Variants in CSMD2 observed in about 807,000 individuals in gnomAD.
CSMD2 encodes the protein CUB and sushi domain-containing protein 2.
Under a neutral mutation model 398.5 loss-of-function variants are expected in CSMD2, and 130 were observed. The observed-to-expected ratio is 0.33, with a 90% CI of 0.28 to 0.38. The LOEUF (loss-of-function observed/expected upper bound fraction) is 0.38, where lower values mean the gene tolerates loss of function less well. CSMD2 is among the 10% of genes least tolerant of loss of function. The pLI, the probability that CSMD2 is intolerant of heterozygous loss-of-function variation, is 1.00. For missense variants in CSMD2, 3,829 were observed against 4,764.9 expected (o/e 0.80, Z 5.78); for synonymous variants, 1,828 against 1,908.5 (o/e 0.96, Z 1.10).
intron 1 of CSMD2, among the ~76,000 whole-genome samples, chr1:34,152,412 T>A (rs1401878137): frequency 6.6e-6 from 1 of 152,130 alleles, no homozygotes; most frequent in African/African-American, 2.4e-5. Context: ...ACCCTCATTG[T>A]GTTTTTTCAG....
intron 7 of CSMD2, among the ~76,000 whole-genome samples, chr1:33,823,655 C>T (rs980280355): frequency 1.3e-5 from 2 of 152,156 alleles, no homozygotes; most frequent in Non-Finnish European, 2.9e-5. Context: ...CCATGAACTT[C>T]AGGGCAGCTG....
intron 24 of CSMD2, among the ~76,000 whole-genome samples, chr1:33,697,021 C>T (rs1253633034): frequency 6.6e-6 from 1 of 152,170 alleles, no homozygotes; most frequent in Non-Finnish European, 1.5e-5. Context: ...AGGCTAGAGG[C>T]AGTCTCAATG....
In CSMD2 at chr1:33,693,063, G is replaced by A; in HGVS notation, c.3926-7C>T. ...ACTGTCCCTCCACACTCGGCTGAAA[G>A]AAATCCCAAAAGAGTGAGCTTCATG... On this transcript the variant is annotated splice_region_variant and splice_polypyrimidine_tract_variant and intron_variant, in intron 24 of 70. Coordinates refer to ENST00000373381, the MANE Select transcript of CSMD2 (RefSeq NM_001281956.2). 3.1e-6 allele frequency: 5 copies of A among 1,590,036 alleles called. No individual in the cohort carries two copies. Among genetic ancestry groups the A allele is most frequent in the Non-Finnish European group, 4.3e-6 (5 of 1,170,616 alleles).
chr1:33,946,931 G>C (rs550311984), intron 3 of CSMD2, among the ~76,000 whole-genome samples: 1 of 152,026 alleles, frequency 6.6e-6, no homozygotes, highest in African/African-American at 2.4e-5. Flanking sequence ...CACCCCGCCC[G>C]GCCACCTGAC....
intron 3 of CSMD2, among the ~76,000 whole-genome samples, chr1:33,975,125 AG>A (rs1318284896): frequency 1.3e-5 from 2 of 152,164 alleles, no homozygotes; most frequent in African/African-American, 4.8e-5. Flanking sequence ...AGGTGTAGGA[AG>A]GAAGGCTGGG....
chr1:34,073,273 G>T (rs1341341709), intron 2 of CSMD2, among the ~76,000 whole-genome samples: 1 of 152,134 alleles, frequency 6.6e-6, no homozygotes, highest in African/African-American at 2.4e-5. Context: ...CTGATGTTAG[G>T]GGTTTGATAA....
At chr1:34,029,868 C>G (rs1650187717) in intron 3 of CSMD2, among the ~76,000 whole-genome samples, 1 of 152,226 alleles carries the variant, frequency 6.6e-6, no homozygotes, top group South Asian at 2.1e-4. Flanking sequence ...CATTATGTGG[C>G]TGAGGTGAAA....
At chr1:34,117,019 C>T (rs1415905271) in intron 1 of CSMD2, among the ~76,000 whole-genome samples, 4 of 151,824 alleles carry the variant, frequency 2.6e-5, no homozygotes, top group Non-Finnish European at 5.9e-5. Flanking sequence ...TACAGCAGCA[C>T]ATTGCACATG....
Position 33,693,070 on chromosome 1 carries a change from CAA to C in CSMD2, c.3926-16_3926-15del, listed in dbSNP as rs1485432291. ...CTCCACACTCGGCTGAAAGAAATCC[CAA>C]AAGAGTGAGCTTCATGGGGTGGCCT... On this transcript the variant is annotated splice_polypyrimidine_tract_variant and intron_variant, in intron 24 of 70. Coordinates refer to ENST00000373381, the MANE Select transcript of CSMD2 (RefSeq NM_001281956.2). 6.3e-7 allele frequency: 1 copy of C among 1,585,404 alleles called. No individual in the cohort carries two copies.
Position 33,559,702 on chromosome 1 carries a change from C to T in CSMD2, c.8381-229G>A, listed in dbSNP as rs1658368655. ...CAACTTGAGATCAATCATTCTATGA[C>T]TTCCCATAGGGTGTTAGGACTGGAC... On this transcript the variant is annotated intron_variant, in intron 53 of 70. Transcript: ENST00000373381. The surrounding 1 kb of genome is among the most constrained non-coding windows in gnomAD (Gnocchi z 4.0). 6.6e-6 allele frequency among the ~76,000 whole-genome samples: 1 copy of T among 152,102 alleles called. No homozygotes were observed. The highest frequency in any genetic ancestry group is 1.5e-5 in the Non-Finnish European group (1 of 68,010).
At chr1:34,071,246 A>C (rs1224843983) in intron 2 of CSMD2, among the ~76,000 whole-genome samples, 1 of 152,226 alleles carries the variant, frequency 6.6e-6, no homozygotes, top group African/African-American at 2.4e-5. Context: ...GCCAGTCTGC[A>C]AGATGCTAGG....
intron 1 of CSMD2, among the ~76,000 whole-genome samples, chr1:34,125,202 A>G (rs1274338681): frequency 2.6e-5 from 4 of 152,210 alleles, no homozygotes; most frequent in Non-Finnish European, 5.9e-5. Flanking sequence ...AGATGAATAA[A>G]ATTTCACAAG....
chr1:33,596,598 G>A (rs1200439673), intron 44 of CSMD2, among the ~76,000 whole-genome samples: 1 of 152,170 alleles, frequency 6.6e-6, no homozygotes, highest in Non-Finnish European at 1.5e-5. Context: ...AAGCAAACAC[G>A]TCTTTCTTCA....
At chr1:33,983,098 G>A (rs1015837831) in intron 3 of CSMD2, among the ~76,000 whole-genome samples, 1 of 152,102 alleles carries the variant, frequency 6.6e-6, no homozygotes, top group Admixed American at 6.5e-5. Flanking sequence ...GCCTCCCATT[G>A]CCAGCCCAGC....
At chr1:33,790,735 T>C (rs933722745) in intron 11 of CSMD2, among the ~76,000 whole-genome samples, 8 of 152,208 alleles carry the variant, frequency 5.3e-5, no homozygotes, top group African/African-American at 1.9e-4. Flanking sequence ...CAATCATCTA[T>C]CATCTATTTA....
intron 3 of CSMD2, among the ~76,000 whole-genome samples, chr1:33,990,409 C>T (rs924428347): frequency 1.3e-5 from 2 of 152,148 alleles, no homozygotes; most frequent in African/African-American, 2.4e-5. Flanking sequence ...ACCAATTAAA[C>T]AGTTATTTAA....
At chr1:33,848,326 T>TCTGGGGCTATA (rs1638434900) in intron 5 of CSMD2, among the ~76,000 whole-genome samples, 1 of 152,142 alleles carries the variant, frequency 6.6e-6, no homozygotes, top group Non-Finnish European at 1.5e-5. Flanking sequence ...TCTTTCACAA[T>TCTGGGGCTATA]CTGGGGCTAT....
intron 25 of CSMD2, among the ~76,000 whole-genome samples, chr1:33,673,363 G>A (rs140510895): frequency 0.011 from 1,631 of 152,268 alleles, 11 homozygotes; most frequent in Non-Finnish European, 0.017. Context: ...GGGTATCAGC[G>A]ATGGAAGACG....
intron 40 of CSMD2, among the ~76,000 whole-genome samples, chr1:33,613,490 A>C (rs934935497): frequency 3.3e-5 from 5 of 152,226 alleles, no homozygotes; most frequent in African/African-American, 1.2e-4. Flanking sequence ...TTCCTTCAGA[A>C]GATGGTACTG....
Sources: allele counts gnomAD v4.1 joint callset (sites outside exome capture counted in the v4.1 genomes callset), GRCh38; gene constraint gnomAD v4.1.1; non-coding constraint Gnocchi (gnomAD v3.1); transcripts MANE v1.5; gene names NCBI Gene and HGNC (gene_info 2026-07-23, HGNC 2026-07-21).